The following HS6ST2 variants were observed in gnomAD, a reference collection of about 807,000 sequenced individuals.
The protein encoded by HS6ST2 is heparan sulfate 6-O-sulfotransferase 2.
In HS6ST2, 17 loss-of-function variants were observed where a neutral mutation model predicts 33.0. The observed-to-expected ratio is 0.52, with a 90% CI of 0.35 to 0.77. The LOEUF (loss-of-function observed/expected upper bound fraction) is 0.77. HS6ST2 is among the 30% of genes least tolerant of loss of function. HS6ST2 has a pLI of 0.01. For missense variants in HS6ST2, 519 were observed against 551.7 expected, an observed-to-expected ratio of 0.94 and a Z score of 0.59; for synonymous variants, 248 against 237.1, an observed-to-expected ratio of 1.05 and a Z score of -0.42.
At chrX:132,865,636 C>T (rs1602770900) in intron 2 of HS6ST2, among the ~76,000 whole-genome samples, 1 of 110,291 alleles carries the variant, frequency 9.1e-6, no homozygotes, top group South Asian at 3.9e-4. Flanking sequence ...CTCTCCAGCA[C>T]CTGTTGTTTC....
intron 2 of HS6ST2, among the ~76,000 whole-genome samples, chrX:132,936,687 C>T (rs1370232443): frequency 9.0e-6 from 1 of 110,862 alleles, no homozygotes; most frequent in Non-Finnish European, 1.9e-5. Flanking sequence ...ACAATAGAAA[C>T]CAGGGCCTAC....
intron 2 of HS6ST2, among the ~76,000 whole-genome samples, chrX:132,916,833 T>C (rs762048474): frequency 1.8e-5 from 2 of 111,889 alleles, no homozygotes; most frequent in African/African-American, 3.2e-5. Flanking sequence ...ACTGAGCCAC[T>C]ACTGGCTTCC....
chrX:132,777,549 G>T (rs915571658), intron 2 of HS6ST2, among the ~76,000 whole-genome samples: 6 of 108,715 alleles, frequency 5.5e-5, no homozygotes, highest in African/African-American at 2.0e-4. Context: ...TCCTGCCTCA[G>T]CCTCCCGAGT....
At chrX:132,656,823 T>C (rs2063733588) in intron 4 of HS6ST2, among the ~76,000 whole-genome samples, 2 of 111,676 alleles carry the variant, frequency 1.8e-5, no homozygotes, top group African/African-American at 3.3e-5. Flanking sequence ...TATTTACCAC[T>C]CCAGACTACC....
At chrX:132,843,904 T>G (rs1235835086) in intron 2 of HS6ST2, among the ~76,000 whole-genome samples, 1 of 111,740 alleles carries the variant, frequency 8.9e-6, no homozygotes, top group African/African-American at 3.2e-5. Flanking sequence ...CAAAGGACCA[T>G]AGAAGAGGGG....
At chrX:132,742,270 T>C (rs1303728988) in intron 2 of HS6ST2, among the ~76,000 whole-genome samples, 1 of 111,675 alleles carries the variant, frequency 9.0e-6, no homozygotes, top group African/African-American at 3.3e-5. Context: ...ACGTTTGCAC[T>C]TGGATTCAGC....
intron 2 of HS6ST2, among the ~76,000 whole-genome samples, chrX:132,955,182 A>G (rs1403244291): frequency 8.9e-6 from 1 of 112,592 alleles, no homozygotes. Context: ...TCTTTTCAAT[A>G]TTGCCAAATT....
intron 2 of HS6ST2, among the ~76,000 whole-genome samples, chrX:132,737,070 C>T (rs963657826): frequency 1.8e-5 from 2 of 111,626 alleles, no homozygotes; most frequent in African/African-American, 6.5e-5. Context: ...CCACTGAGCT[C>T]ATCTGACTTA....
rs1261985807 is a variant in HS6ST2 at position 132,958,373 on chromosome X, G to T, written c.230C>A (p.Ser77Tyr). The change falls in exon 1 of 5, where the codon TCC becomes TAC. Residue 77 changes from serine (S) to tyrosine (Y), a missense_variant. Transcript: ENST00000370833. ...LLDKPRKASS[S>Y]LAGAACAPLF... is the part of the protein sequence containing the mutation. ...CGGGGCGCACGCGGCTCCCGCCAGG[G>T]AAGAAGACGCCTTTCGGGGCTTGTC... 2 of 1,199,722 alleles carry T rather than the reference G, an allele frequency of 1.7e-6. No homozygotes were observed. The highest frequency in any genetic ancestry group is 1.8e-5 in the South Asian group (1 of 56,540).
At chrX:132,729,392 G>A (rs1175657043) in intron 2 of HS6ST2, among the ~76,000 whole-genome samples, 1 of 111,993 alleles carries the variant, frequency 8.9e-6, no homozygotes, top group Non-Finnish European at 1.9e-5. Flanking sequence ...GATGGGCACT[G>A]TACATCTCCA....
intron 4 of HS6ST2, among the ~76,000 whole-genome samples, chrX:132,637,915 ATT>A (rs1569476028): frequency 3.9e-5 from 2 of 50,816 alleles, no homozygotes; most frequent in Non-Finnish European, 2.8e-5. Context: ...TATATATAAT[ATT>A]TTATATATAT....
At chrX:132,945,748 C>T (rs749780977) in intron 2 of HS6ST2, among the ~76,000 whole-genome samples, 108 of 105,442 alleles carry the variant, frequency 1.0e-3, no homozygotes, top group Non-Finnish European at 1.8e-3. Flanking sequence ...AGCAAAGTAT[C>T]CCAAGGACAA....
intron 4 of HS6ST2, among the ~76,000 whole-genome samples, chrX:132,635,049 G>A (rs2063543247): frequency 8.9e-6 from 1 of 111,807 alleles, no homozygotes; most frequent in African/African-American, 3.3e-5. Context: ...AGTGTGTTCT[G>A]TCTCACCAAA....
At chrX:132,839,311 TATATAC>T (rs754953084) in intron 2 of HS6ST2, among the ~76,000 whole-genome samples, 65 of 25,398 alleles carry the variant, frequency 2.6e-3, no homozygotes, top group African/African-American at 0.013. Context: ...TATATATATA[TATATAC>T]ACACACATGT....
chrX:132,937,722 C>T (rs1044787091), intron 2 of HS6ST2, among the ~76,000 whole-genome samples: 7 of 111,298 alleles, frequency 6.3e-5, no homozygotes, highest in African/African-American at 2.3e-4. Context: ...AAACCTAAGA[C>T]CTGAAACTAT....
At chrX:132,851,407 G>C (rs2065799694) in intron 2 of HS6ST2, among the ~76,000 whole-genome samples, 1 of 112,272 alleles carries the variant, frequency 8.9e-6, no homozygotes, top group Non-Finnish European at 1.9e-5. Context: ...CATCAGAAAG[G>C]CCTGGGTTCA....
intron 3 of HS6ST2, among the ~76,000 whole-genome samples, chrX:132,700,151 T>C (rs1489766979): frequency 1.8e-5 from 2 of 111,843 alleles, no homozygotes; most frequent in African/African-American, 3.3e-5. Context: ...GAAAGACCAA[T>C]GCACCACCAA....
At chrX:132,916,270 A>G (rs1471479117) in intron 2 of HS6ST2, among the ~76,000 whole-genome samples, 1 of 111,996 alleles carries the variant, frequency 8.9e-6, no homozygotes, top group African/African-American at 3.2e-5. Context: ...GATTAGGTCA[A>G]TTTTCAAACT....
intron 2 of HS6ST2, among the ~76,000 whole-genome samples, chrX:132,751,349 G>A (rs2064706119): frequency 9.0e-6 from 1 of 111,693 alleles, no homozygotes; most frequent in African/African-American, 3.3e-5. Flanking sequence ...ATCAAAAACA[G>A]TAAAGAGCAG....
Sources: allele counts gnomAD v4.1 joint callset (sites outside exome capture counted in the v4.1 genomes callset), GRCh38; gene constraint gnomAD v4.1.1; transcripts MANE v1.5; gene names NCBI Gene and HGNC (gene_info 2026-07-23, HGNC 2026-07-21).